The following ASAP3 variants were observed in gnomAD, a reference collection of about 807,000 sequenced individuals.
The protein encoded by ASAP3 is arf-GAP with SH3 domain, ANK repeat and PH domain-containing protein 3.
ASAP3 carries 85 observed loss-of-function variants against 118.2 expected under a neutral mutation model. The ratio of observed to expected loss-of-function variants is 0.72; its 90% confidence interval spans 0.60 to 0.86. The LOEUF is 0.86. Ranked by LOEUF, ASAP3 falls within the 40% of genes least tolerant of loss-of-function variation. The probability of loss-of-function intolerance (pLI) is 0.00; values close to 1 mark genes in which losing one functional copy is unlikely to be tolerated. For synonymous variants in ASAP3, 432 were observed against 477.4 expected, an observed-to-expected ratio of 0.90 and a Z score of 1.24; for missense variants, 1,026 against 1,175.0, an observed-to-expected ratio of 0.87 and a Z score of 1.85.
At chr1:23,441,272 CG>C in intron 9 of ASAP3, 61 bp from the exon 10 acceptor site, 1 of 1,599,614 alleles carries the variant, frequency 6.3e-7, no homozygotes, top group Non-Finnish European at 8.6e-7. Flanking sequence ...CCCCATTCTG[CG>C]GGGGCTCACT....
intron 5 of ASAP3, among the ~76,000 whole-genome samples, chr1:23,443,760 G>A (rs1191317415): frequency 6.7e-6 from 1 of 149,540 alleles, no homozygotes; most frequent in Non-Finnish European, 1.5e-5. Context: ...GCAGTGGTAC[G>A]ATCTTGGCTC....
chr1:23,429,966 C>T (rs1354308821), intron 24 of ASAP3, 36 bp from the exon 25 acceptor site: 2 of 1,555,428 alleles, frequency 1.3e-6, no homozygotes, highest in African/African-American at 2.7e-5. Context: ...ATTTTCAAAG[C>T]ACCTGTAACA....
At chr1:23,459,602 T>C (rs768900667) in intron 1 of ASAP3, among the ~76,000 whole-genome samples, 2 of 152,228 alleles carry the variant, frequency 1.3e-5, no homozygotes, top group Non-Finnish European at 2.9e-5. Flanking sequence ...ATGTCCTTCC[T>C]GCCACATGCA....
Position 23,441,446 on chromosome 1 carries a change from G to A in ASAP3, c.775C>T (p.Gln259Ter). 1 of 1,614,176 alleles carries A rather than the reference G, an allele frequency of 6.2e-7. No individual in the cohort carries two copies. The highest frequency in any genetic ancestry group is 8.5e-7 in the Non-Finnish European group (1 of 1,180,022). Reference sequence around the variant, plus strand: ...GAGTCCCGGAGCTGGGTCAGCTTCTGTAGCTCGTCCTCCTGGGCCTGATGG... The same window carrying A: ...GAGTCCCGGAGCTGGGTCAGCTTCTATAGCTCGTCCTCCTGGGCCTGATGG... ...ALHQAQEDEL[Q>*]KLTQLRDSLR... The change falls in exon 9 of 25, where the codon CAG becomes TAG. Residue 259 changes from glutamine to a stop codon, truncating the protein, a stop_gained. Coordinates refer to ENST00000336689, the MANE Select transcript of ASAP3 (RefSeq NM_017707.4). LOFTEE classifies it high-confidence loss of function.
intron 1 of ASAP3, among the ~76,000 whole-genome samples, chr1:23,482,988 C>T (rs565276247): frequency 1.4e-4 from 22 of 152,222 alleles, no homozygotes; most frequent in African/African-American, 5.1e-4. Context: ...TCTGCCTTCC[C>T]CAAAGTCGAT....
chr1:23,451,986 C>A (rs1184387776), intron 4 of ASAP3, among the ~76,000 whole-genome samples: 1 of 152,196 alleles, frequency 6.6e-6, no homozygotes, highest in Non-Finnish European at 1.5e-5. Flanking sequence ...GGAACATGCA[C>A]AGAGAGGTTG....
chr1:23,440,151 A>G (rs16860685), intron 10 of ASAP3, among the ~76,000 whole-genome samples: 111,084 of 148,426 alleles, frequency 0.75, 43,506 homozygotes, highest in Middle Eastern at 0.89. Context: ...TTACACTAGG[A>G]AGCAAGGCAC....
At chr1:23,442,015 T>C (rs66829308) in intron 7 of ASAP3, among the ~76,000 whole-genome samples, 171 bp downstream of exon 7, 7,489 of 152,196 alleles carry the variant, frequency 0.049, 282 homozygotes, top group Non-Finnish European at 0.074. Context: ...CGAATTGATG[T>C]TTGTAAAGTA....
intron 8 of ASAP3, 38 bp downstream of exon 8, chr1:23,441,614 AGGG>A (rs1364386130): frequency 3.1e-6 from 5 of 1,610,972 alleles, no homozygotes; most frequent in Non-Finnish European, 4.2e-6. Context: ...CTGGAAGGAC[AGGG>A]GGCTTGATCA....
intron 10 of ASAP3, among the ~76,000 whole-genome samples, chr1:23,440,647 G>T (rs1435475874): frequency 1.3e-5 from 2 of 148,518 alleles, no homozygotes; most frequent in African/African-American, 5.0e-5. Flanking sequence ...ACAAGGTCAG[G>T]AGATCGAGAC....
intron 1 of ASAP3, among the ~76,000 whole-genome samples, chr1:23,456,601 G>A (rs557933885): frequency 8.5e-4 from 129 of 152,302 alleles, no homozygotes; most frequent in African/African-American, 3.0e-3. Context: ...GATACTAGGG[G>A]ACTTGTGGAG....
In ASAP3 at chr1:23,431,467, A is replaced by T. The variant is rs138832168; in HGVS notation, c.2546+229T>A. ...GGGGCTAAGCCTACTTTACTCCAAC[A>T]TCAGCAGGGAGGATCCCTGGCTCCT... On this transcript the variant is annotated intron_variant, in intron 23 of 24. Coordinates refer to ENST00000336689, the MANE Select transcript of ASAP3 (RefSeq NM_017707.4). Among the ~76,000 whole-genome samples, 380 of 152,270 alleles carry T rather than the reference A, an allele frequency of 2.5e-3. 2 individuals are homozygous for T. Among genetic ancestry groups the T allele is most frequent in the African/African-American group, 8.9e-3 (370 of 41,558 alleles).
intron 1 of ASAP3, among the ~76,000 whole-genome samples, chr1:23,473,317 G>A (rs976061761): frequency 6.6e-6 from 1 of 152,176 alleles, no homozygotes; most frequent in African/African-American, 2.4e-5. Context: ...CTCTTTCAAG[G>A]TCTAAAACCA....
At position 23,429,793 on chromosome 1, in the gene ASAP3, G is replaced by T; in HGVS notation, c.*63C>A. 2 of 1,522,784 alleles carry T rather than the reference G, an allele frequency of 1.3e-6. No homozygotes were observed. The highest frequency in any genetic ancestry group is 2.4e-5 in the South Asian group (2 of 84,598). The allele number at this position is 1,522,784 out of a possible 1,614,324, so 94.3% of individuals were successfully genotyped here. A position where few individuals can be genotyped will look rare whatever the true frequency, so the allele number is the denominator to read the frequency against. Reference sequence around the variant, plus strand: ...AAATGTCTCAGCTCCCCAGTTTTGTGAGCTCAAGTCCCAGCTCTGAACATT... The same window carrying T: ...AAATGTCTCAGCTCCCCAGTTTTGTTAGCTCAAGTCCCAGCTCTGAACATT... On this transcript the variant is annotated 3_prime_UTR_variant, in exon 25 of 25. Coordinates refer to ENST00000336689, the MANE Select transcript of ASAP3 (RefSeq NM_017707.4).
At chr1:23,434,183 G>C in intron 19 of ASAP3, 71 bp downstream of exon 19, 1 of 1,478,686 alleles carries the variant, frequency 6.8e-7, no homozygotes, top group Non-Finnish European at 9.4e-7. Context: ...ATTAGAGCCC[G>C]AGACCATCGG....
chr1:23,440,358 G>A (rs1419973141), intron 10 of ASAP3, among the ~76,000 whole-genome samples: 1 of 145,338 alleles, frequency 6.9e-6, no homozygotes, highest in Non-Finnish European at 1.5e-5. Context: ...AAAATTAGCT[G>A]GGCGTAGTGG....
rs780570626 is a variant in ASAP3 at position 23,436,643 on chromosome 1, G to A, written c.1488C>T (p.Asn496=). The A allele has an allele frequency of 1.9e-6, 3 of 1,614,230 alleles. No individual in the cohort carries two copies. Among genetic ancestry groups the A allele is most frequent in the South Asian group, 2.2e-5 (2 of 91,092 alleles). Residue 496 remains asparagine, a synonymous_variant, in exon 16 of 25, where the codon AAC becomes AAT. Transcript: ENST00000336689. The surrounding 1 kb of genome is among the most constrained non-coding windows in gnomAD (Gnocchi z 4.2). The stretch of plus-strand genomic sequence containing the variant: ...CCTCATTGAAGCTCGTGTTTCCCAT[G>A]TTCAAGGCCAGCTGGAGTCGTAGGA... ...LGPSELLLAL[N]MGNTSFNEVM... is the part of the protein sequence containing the mutation.
chr1:23,448,034 C>T (rs1173072311), intron 5 of ASAP3, among the ~76,000 whole-genome samples: 2 of 152,194 alleles, frequency 1.3e-5, no homozygotes, highest in East Asian at 3.8e-4. Context: ...CTCAAAGGAT[C>T]ACCAACATTT....
chr1:23,465,071 A>G (rs1558169546), intron 1 of ASAP3, among the ~76,000 whole-genome samples: 1 of 152,248 alleles, frequency 6.6e-6, no homozygotes, highest in Non-Finnish European at 1.5e-5. Context: ...TGCGTACCAC[A>G]TAAGGTTACT....
Sources: gnomAD v4.1 joint callset for allele counts (sites outside exome capture counted in the v4.1 genomes callset) on GRCh38, gnomAD v4.1.1 for gene constraint, Gnocchi (gnomAD v3.1) non-coding constraint, MANE v1.5 for transcripts, NCBI Gene and HGNC (gene_info 2026-07-23, HGNC 2026-07-21) for gene names.